CD2AP: variants seen among roughly 807,000 people sequenced by gnomAD.
CD2AP encodes the protein CD2-associated protein.
In CD2AP, 46 loss-of-function variants were observed where a neutral mutation model predicts 85.1. That is an observed-to-expected ratio of 0.54 (90% CI 0.43 to 0.69). CD2AP has a LOEUF of 0.69. Ranked by LOEUF, CD2AP falls within the 30% of genes least tolerant of loss-of-function variation. CD2AP has a pLI of 0.00. For synonymous variants in CD2AP, 255 were observed against 252.9 expected, an observed-to-expected ratio of 1.01 and a Z score of -0.08; for missense variants, 769 against 729.5, an observed-to-expected ratio of 1.05 and a Z score of -0.62.
intron 5 of CD2AP, among the ~76,000 whole-genome samples, chr6:47,559,489 T>C (rs904636829): frequency 2.0e-5 from 3 of 152,042 alleles, no homozygotes; most frequent in Non-Finnish European, 4.4e-5. Context: ...TTTGGACTCT[T>C]GGCTTCAAGC....
intron 9 of CD2AP, among the ~76,000 whole-genome samples, chr6:47,580,098 C>T (rs1322134030): frequency 1.3e-5 from 2 of 152,216 alleles, no homozygotes; most frequent in Non-Finnish European, 2.9e-5. Flanking sequence ...TAAGCCAATG[C>T]ATAACTCTCC....
chr6:47,587,428 ACT>A (rs35311541), intron 11 of CD2AP, among the ~76,000 whole-genome samples: 38,016 of 151,808 alleles, frequency 0.25, 5,444 homozygotes, highest in East Asian at 0.6. Flanking sequence ...AGGTGATTAA[ACT>A]CTCACTTTCT....
chr6:47,489,494 A>G (rs1268018296), intron 1 of CD2AP, among the ~76,000 whole-genome samples: 2 of 152,022 alleles, frequency 1.3e-5, no homozygotes, highest in African/African-American at 4.8e-5. Context: ...CTAGTTTTTT[A>G]AAAAATAAAG....
chr6:47,596,762 T>G (rs1281483751), intron 12 of CD2AP, among the ~76,000 whole-genome samples: 1 of 152,070 alleles, frequency 6.6e-6, no homozygotes, highest in Non-Finnish European at 1.5e-5. Context: ...TTTATTTCCT[T>G]TGGATATGGA....
At chr6:47,580,314 A>C (rs1768439499) in intron 9 of CD2AP, among the ~76,000 whole-genome samples, 1 of 152,218 alleles carries the variant, frequency 6.6e-6, no homozygotes, top group Non-Finnish European at 1.5e-5. Context: ...CAATATTTTA[A>C]GGTATTAAGT....
At chr6:47,570,617 A>G (rs375169938) in intron 5 of CD2AP, among the ~76,000 whole-genome samples, 3 of 3,160 alleles carry the variant, frequency 9.5e-4, no homozygotes, top group Non-Finnish European at 6.4e-3. Flanking sequence ...CTGTCACTTA[A>G]TGGTTCTCAG....
intron 17 of CD2AP, 119 bp downstream of exon 17, chr6:47,612,655 C>G: frequency 1.4e-6 from 1 of 716,630 alleles, no homozygotes; most frequent in Middle Eastern, 2.3e-4. Flanking sequence ...GTTGGACATA[C>G]ACACAATGGA....
At position 47,616,727 on chromosome 6, in the gene CD2AP, C is replaced by T. The variant is rs1769597449; in HGVS notation, c.1878+4191C>T. Among the ~76,000 whole-genome samples, 10 of 152,294 alleles carry T rather than the reference C, an allele frequency of 6.6e-5. No homozygotes were observed. The South Asian group carries it at 2.1e-3, about 32-fold the overall frequency. On this transcript the variant is annotated intron_variant, in intron 17 of 17. Transcript: ENST00000359314. Reference sequence around the variant, plus strand: ...GTTCATTTGTGAAATATGAAAACAACTGCCATCCTCTTAAAAAAAGTCTAC... The same window carrying T: ...GTTCATTTGTGAAATATGAAAACAATTGCCATCCTCTTAAAAAAAGTCTAC...
chr6:47,559,842 C>T (rs1767802905), intron 5 of CD2AP, among the ~76,000 whole-genome samples: 1 of 152,128 alleles, frequency 6.6e-6, no homozygotes, highest in Non-Finnish European at 1.5e-5. Context: ...TAGAAAAGAG[C>T]ATGAAGCAAT....
intron 13 of CD2AP, among the ~76,000 whole-genome samples, chr6:47,602,202 A>G (rs996169885): frequency 2.6e-5 from 4 of 152,056 alleles, no homozygotes; most frequent in African/African-American, 9.7e-5. Context: ...TGTAAGAAAG[A>G]CATATACAGA....
intron 16 of CD2AP, among the ~76,000 whole-genome samples, chr6:47,611,460 A>T (rs555227994): frequency 6.6e-6 from 1 of 151,846 alleles, no homozygotes; most frequent in Non-Finnish European, 1.5e-5. Flanking sequence ...CTTTACTTGG[A>T]GTTCAGAGGT....
chr6:47,558,485 G>T (rs974904061), intron 5 of CD2AP, among the ~76,000 whole-genome samples: 9 of 152,162 alleles, frequency 5.9e-5, no homozygotes, highest in African/African-American at 2.2e-4. Context: ...TTATTATATT[G>T]AGATATGTTC....
chr6:47,519,881 G>A (rs1359979490), intron 2 of CD2AP, among the ~76,000 whole-genome samples: 2 of 152,154 alleles, frequency 1.3e-5, no homozygotes, highest in Non-Finnish European at 2.9e-5. Flanking sequence ...TTCAAGGAAG[G>A]AGAAAAATAA....
rs569128118 is a variant in CD2AP at position 47,568,457 on chromosome 6, G to A, written c.542-5607G>A. Reference sequence around the variant, plus strand: ...CTTTAGGTGGTATAAGAAACGATGAGTAGGCTGGGCGCGGTGGCTTATGCC... The same window carrying A: ...CTTTAGGTGGTATAAGAAACGATGAATAGGCTGGGCGCGGTGGCTTATGCC... On this transcript the variant is annotated intron_variant, in intron 5 of 17. Coordinates refer to ENST00000359314, the MANE Select transcript of CD2AP (RefSeq NM_012120.3). 1.8e-3 allele frequency among the ~76,000 whole-genome samples: 268 copies of A among 152,066 alleles called. 6 individuals are homozygous for A. The highest frequency in any genetic ancestry group is 7.2e-4 in the Non-Finnish European group (49 of 67,944).
chr6:47,599,048 T>A (rs1769031622), intron 12 of CD2AP, among the ~76,000 whole-genome samples: 2 of 150,960 alleles, frequency 1.3e-5, no homozygotes, highest in South Asian at 4.2e-4. Flanking sequence ...ATTTTTAATA[T>A]TTTCTGTATA....
chr6:47,603,339 A>G (rs1000319885), intron 13 of CD2AP, among the ~76,000 whole-genome samples: 13 of 152,064 alleles, frequency 8.5e-5, no homozygotes, highest in Non-Finnish European at 2.9e-5. Context: ...CAGAATTAAA[A>G]TTGCTTTTCA....
intron 15 of CD2AP, among the ~76,000 whole-genome samples, chr6:47,608,482 A>G (rs1371548032): frequency 5.3e-5 from 8 of 152,168 alleles, no homozygotes; most frequent in African/African-American, 1.7e-4. Flanking sequence ...TTTATTTAAC[A>G]TAGTTTCACT....
At chr6:47,588,241 G>T (rs1768683781) in intron 11 of CD2AP, among the ~76,000 whole-genome samples, 1 of 151,696 alleles carries the variant, frequency 6.6e-6, no homozygotes, top group Non-Finnish European at 1.5e-5. Context: ...TCTCATTATT[G>T]TCTGTTACAT....
intron 5 of CD2AP, among the ~76,000 whole-genome samples, chr6:47,560,725 T>C (rs1317361495): frequency 1.3e-5 from 2 of 152,198 alleles, no homozygotes; most frequent in Non-Finnish European, 1.5e-5. Context: ...ATAAATTTAG[T>C]TACAGCTGTG....
Sources: allele counts gnomAD v4.1 joint callset (sites outside exome capture counted in the v4.1 genomes callset), GRCh38; gene constraint gnomAD v4.1.1; transcripts MANE v1.5; gene names NCBI Gene and HGNC (gene_info 2026-07-23, HGNC 2026-07-21).